Variants in PSD3 observed in about 807,000 individuals in gnomAD.
The protein encoded by PSD3 is pleckstrin and Sec7 domain containing 3.
In PSD3, 49 loss-of-function variants were observed where a neutral mutation model predicts 105.5. The ratio of observed to expected loss-of-function variants is 0.46; its 90% CI spans 0.37 to 0.59. The LOEUF (loss-of-function observed/expected upper bound fraction) is 0.59. Ranked by LOEUF, PSD3 falls within the 20% of genes least tolerant of loss-of-function variation. The pLI, the probability that PSD3 is intolerant of heterozygous loss-of-function variation, is 0.00. For synonymous variants in PSD3, 557 were observed against 457.8 expected (o/e 1.22, Z -2.77); for missense variants, 1,561 against 1,263.8 (o/e 1.24, Z -3.57).
At chr8:18,542,428 A>T (rs1800203597) in intron 15 of PSD3, among the ~76,000 whole-genome samples, 1 of 152,214 alleles carries the variant, frequency 6.6e-6, no homozygotes, top group Admixed American at 6.5e-5. Context: ...TGAATTCAGG[A>T]CGGAATCTGC....
At chr8:18,858,424 G>A (rs1315721121) in intron 4 of PSD3, among the ~76,000 whole-genome samples, 1 of 152,202 alleles carries the variant, frequency 6.6e-6, no homozygotes, top group East Asian at 1.9e-4. Flanking sequence ...GGTTGCAGAA[G>A]GTTGCGGTGG....
At position 19,082,980 on chromosome 8, in the gene PSD3, G is replaced by C. The variant is rs918512272; in HGVS notation, c.324+1226C>G. On this transcript the variant is annotated intron_variant, in intron 1 of 1. Transcript: ENST00000521475. ...CCTTGTTAAAAAGAGAAAAGGGAAGGAAGGGTGCTGTGAGAAGCCTGCAGG... is the reference window on the plus strand; with the variant it reads ...CCTTGTTAAAAAGAGAAAAGGGAAGCAAGGGTGCTGTGAGAAGCCTGCAGG... 9.2e-5 allele frequency among the ~76,000 whole-genome samples: 14 copies of C among 152,290 alleles called. No homozygotes were observed. The East Asian group carries it at 2.7e-3, about 29-fold the overall frequency.
chr8:18,734,812 T>C (rs1479069488), intron 9 of PSD3, among the ~76,000 whole-genome samples: 1 of 152,204 alleles, frequency 6.6e-6, no homozygotes. Flanking sequence ...TTTCTCATTC[T>C]GATGTTTTGT....
intron 4 of PSD3, among the ~76,000 whole-genome samples, chr8:18,836,169 C>A (rs1340293901): frequency 6.6e-6 from 1 of 152,102 alleles, no homozygotes; most frequent in South Asian, 2.1e-4. Context: ...TGGAGACTCC[C>A]GCATTTAATG....
Position 18,846,714 on chromosome 8 carries a change from G to A in PSD3, c.1634+20960C>T, listed in dbSNP as rs148694231. On this transcript the variant is annotated intron_variant, in intron 4 of 15. Transcript: ENST00000327040. ...TCTGCCTGGATAGAAGTTGCAGGAT[G>A]CACGGGAGGCGCCGGCAAAACCGAC... Among the ~76,000 whole-genome samples, 4 of 152,304 alleles carry A rather than the reference G, an allele frequency of 2.6e-5. No individual in the cohort carries two copies. The East Asian group carries it at 7.7e-4, about 29-fold the overall frequency.
chr8:18,923,505 A>G (rs1821164996), intron 2 of PSD3, among the ~76,000 whole-genome samples: 1 of 152,228 alleles, frequency 6.6e-6, no homozygotes, highest in Non-Finnish European at 1.5e-5. Flanking sequence ...ACGCTGATCC[A>G]TAAGATTATA....
At chr8:18,767,493 A>C (rs1052824686) in intron 8 of PSD3, among the ~76,000 whole-genome samples, 23 of 152,206 alleles carry the variant, frequency 1.5e-4, no homozygotes, top group African/African-American at 5.1e-4. Context: ...CAAGCCTGTA[A>C]TCCCAGCACT....
In PSD3 at chr8:18,732,232, C is replaced by G. The variant is rs868242132; in HGVS notation, c.2172+33217G>C. On this transcript the variant is annotated intron_variant, in intron 9 of 15. Coordinates refer to ENST00000327040, the MANE Select transcript of PSD3 (RefSeq NM_015310.4). The stretch of plus-strand genomic sequence containing the variant: ...GAAATAGCGACTGAAGAATGCCTAA[C>G]GAACTCGTACTAAAACAAAATACTG... Among the ~76,000 whole-genome samples the G allele has an allele frequency of 2.0e-5, 3 of 151,900 alleles. No homozygotes were observed. In the East Asian group the frequency reaches 5.8e-4, roughly 29 times the overall value.
At chr8:18,680,438 C>G (rs1800317009) in intron 9 of PSD3, among the ~76,000 whole-genome samples, 1 of 152,190 alleles carries the variant, frequency 6.6e-6, no homozygotes, top group African/African-American at 2.4e-5. Flanking sequence ...GCAGGAAGGT[C>G]TGCACTGCCC....
chr8:18,658,833 C>T (rs767308244), intron 9 of PSD3, among the ~76,000 whole-genome samples: 2 of 152,232 alleles, frequency 1.3e-5, no homozygotes, highest in Middle Eastern at 3.4e-3. Flanking sequence ...CTAGTAGCCT[C>T]AGGGATCCAG....
intron 2 of PSD3, among the ~76,000 whole-genome samples, chr8:18,886,000 C>G (rs778552530): frequency 4.6e-5 from 7 of 152,136 alleles, no homozygotes; most frequent in Non-Finnish European, 8.8e-5. Flanking sequence ...AGCTGTACTT[C>G]AGGCACACAG....
chr8:18,564,745 C>T (rs2130246189), intron 14 of PSD3, among the ~76,000 whole-genome samples: 1 of 152,190 alleles, frequency 6.6e-6, no homozygotes, highest in African/African-American at 2.4e-5. Flanking sequence ...TGACCTCCTC[C>T]CCTGAAATCC....
chr8:18,680,686 T>A (rs1428310938), intron 9 of PSD3, among the ~76,000 whole-genome samples: 1 of 152,114 alleles, frequency 6.6e-6, no homozygotes, highest in Non-Finnish European at 1.5e-5. Context: ...TGGTAAGATT[T>A]AAACACAGAA....
intron 8 of PSD3, among the ~76,000 whole-genome samples, chr8:18,775,542 G>C (rs548759983): frequency 6.6e-6 from 1 of 151,870 alleles, no homozygotes; most frequent in Non-Finnish European, 1.5e-5. Flanking sequence ...TTTTAACTCG[G>C]GTAAAATGAT....
intron 9 of PSD3, among the ~76,000 whole-genome samples, chr8:18,751,908 C>T (rs1359349434): frequency 6.7e-6 from 1 of 148,606 alleles, no homozygotes; most frequent in Non-Finnish European, 1.5e-5. Context: ...GACGCGGTGG[C>T]TCACGCCTGG....
chr8:18,666,788 C>A (rs1040857799), intron 9 of PSD3, among the ~76,000 whole-genome samples: 7 of 151,586 alleles, frequency 4.6e-5, no homozygotes, highest in Non-Finnish European at 8.8e-5. Flanking sequence ...TCAAGTATGT[C>A]AACAGAGAGA....
At chr8:19,053,035 T>C (rs1586671601) in intron 1 of PSD3, among the ~76,000 whole-genome samples, 1 of 152,052 alleles carries the variant, frequency 6.6e-6, no homozygotes, top group East Asian at 1.9e-4. Context: ...GCCACACAGG[T>C]AAATTTAGGG....
chr8:18,774,987 T>G (rs1421115319), intron 8 of PSD3: 3 of 455,982 alleles, frequency 6.6e-6, no homozygotes, highest in East Asian at 1.4e-4. Context: ...AATCAACCTT[T>G]CAAAACCCTT....
intron 10 of PSD3, among the ~76,000 whole-genome samples, chr8:18,654,726 T>A (rs59663279): frequency 2.0e-5 from 3 of 152,136 alleles, no homozygotes; most frequent in Admixed American, 2.0e-4. Flanking sequence ...ATAACACACA[T>A]TGGCATTGGA....
Sources: allele counts gnomAD v4.1 joint callset (sites outside exome capture counted in the v4.1 genomes callset), GRCh38; gene constraint gnomAD v4.1.1; transcripts MANE v1.5; gene names NCBI Gene and HGNC (gene_info 2026-07-23, HGNC 2026-07-21).